Variants in DHX8 observed in about 807,000 individuals in gnomAD.
DHX8 encodes the protein DEAH-box helicase 8.
DHX8 carries 67 observed loss-of-function variants against 140.7 expected under a neutral mutation model. The observed-to-expected ratio is 0.48, with a 90% CI of 0.39 to 0.58. The LOEUF (loss-of-function observed/expected upper bound fraction) is 0.58, where lower values mean the gene tolerates loss of function less well. DHX8 is among the 20% of genes least tolerant of loss of function. The probability of loss-of-function intolerance (pLI) is 0.00; values close to 1 mark genes in which losing one functional copy is unlikely to be tolerated. For synonymous variants in DHX8, 533 were observed against 553.2 expected, an observed-to-expected ratio of 0.96 and a Z score of 0.51; for missense variants, 887 against 1,550.7, an observed-to-expected ratio of 0.57 and a Z score of 7.19.
rs1567709336 is a variant in DHX8, at chr17:43,532,827, A to G, written c.351-3585A>G. On this transcript the variant is annotated intron_variant, in intron 2 of 3. Transcript: ENST00000589898. Reference sequence around the variant, plus strand: ...TCTTGCTTAAAGCTCTGCTGGGGATAGGGTGGGCAGGGCTCCGACAGCTGG... The same window carrying G: ...TCTTGCTTAAAGCTCTGCTGGGGATGGGGTGGGCAGGGCTCCGACAGCTGG... 3 of 1,613,850 alleles carry G rather than the reference A, an allele frequency of 1.9e-6. No homozygotes were observed. In the Admixed American group the frequency reaches 5.0e-5, roughly 27 times the overall value.
At chr17:43,498,830 A>G (rs765135002) in intron 9 of DHX8, 32 bp from the exon 10 acceptor site, 1 of 1,526,256 alleles carries the variant, frequency 6.6e-7, no homozygotes, top group Admixed American at 2.0e-5. Context: ...TTTCTTGTTT[A>G]TGGCTAATTC....
downstream of DHX8, chr17:43,530,358 A>AGT: frequency 1.4e-6 from 2 of 1,461,634 alleles, no homozygotes; most frequent in Non-Finnish European, 1.8e-6. Context: ...ACCCAGAGGG[A>AGT]GTGTGATGCT....
Position 43,507,917 on chromosome 17 carries a change from C to T in DHX8, c.2218C>T (p.Arg740Ter). Residue 740 changes from arginine to a stop codon, truncating the protein, a stop_gained, in exon 15 of 23, where the codon CGA (arginine) becomes TGA (stop). Coordinates refer to ENST00000262415, the MANE Select transcript of DHX8 (RefSeq NM_004941.3). LOFTEE classifies it high-confidence loss of function. ...AGCTCCCATTTTCACCATCCCAGGTCGAACATATCCAGTGGAAATACTGTA... is the reference window on the plus strand; with the variant it reads ...AGCTCCCATTTTCACCATCCCAGGTTGAACATATCCAGTGGAAATACTGTA... ...YEAPIFTIPG[R>*]TYPVEILYTK... The T allele has an allele frequency of 1.2e-6, 2 of 1,614,076 alleles. No homozygotes were observed. Among genetic ancestry groups the T allele is most frequent in the Non-Finnish European group, 8.5e-7 (1 of 1,180,004 alleles).
Position 43,493,177 on chromosome 17 carries a change from A to G in DHX8, c.863+137A>G. The G allele has an allele frequency of 2.3e-6, 3 of 1,277,798 alleles. No homozygotes were observed. In the South Asian group the frequency reaches 4.4e-5, roughly 19 times the overall value. 79.2% of individuals were successfully genotyped at this position (1,277,798 alleles called of 1,614,324 possible). On this transcript the variant is annotated intron_variant, in intron 6 of 22. Transcript: ENST00000262415. ...AGCCATACATGGTTCTTAGAAATTG[A>G]CTCTTTTGAAATGTTACAGAGCCAT...
intron 16 of DHX8, among the ~76,000 whole-genome samples, chr17:43,512,335 C>G (rs567112804): frequency 1.4e-5 from 2 of 146,548 alleles, no homozygotes; most frequent in African/African-American, 5.1e-5. Flanking sequence ...TGCAGTAAGC[C>G]GAGATTGCAC....
At position 43,492,166 on chromosome 17, in the gene DHX8, G is replaced by A. The variant is rs145655092; in HGVS notation, c.394-17G>A. 2.8e-5 allele frequency: 45 copies of A among 1,603,044 alleles called. No homozygotes were observed. Among genetic ancestry groups the A allele is most frequent in the Admixed American group, 3.3e-5 (2 of 59,894 alleles). On this transcript the variant is annotated splice_polypyrimidine_tract_variant and intron_variant, in intron 4 of 22. Transcript: ENST00000262415. ...AGTAGTTTTTTTTCCTAACTTTGCCGGCCTCTACCTCTGCAGACCATGTTG... is the reference window on the plus strand; with the variant it reads ...AGTAGTTTTTTTTCCTAACTTTGCCAGCCTCTACCTCTGCAGACCATGTTG...
rs1005084476 is a variant in DHX8, at chr17:43,524,476, G to A, written c.*629G>A. 2.1e-5 allele frequency: 21 copies of A among 987,466 alleles called. No homozygotes were observed. The highest frequency in any genetic ancestry group is 1.6e-4 in the African/African-American group (9 of 57,204). The allele number at this position is 987,466 out of a possible 1,614,324, so 61.2% of individuals were successfully genotyped here. On this transcript the variant is annotated 3_prime_UTR_variant, in exon 23 of 23. Coordinates refer to ENST00000262415, the MANE Select transcript of DHX8 (RefSeq NM_004941.3). ...GCAGGGCCTCTTTGCGCTCGGAAAC[G>A]ACGTACAACCCAGACTTCCAGCCTT...
downstream of DHX8, chr17:43,529,617 C>T (rs772449304): frequency 6.8e-6 from 11 of 1,613,994 alleles, no homozygotes; most frequent in East Asian, 2.0e-4. Context: ...TGCAGGGCAC[C>T]CCGGCGCTGG....
At chr17:43,537,186 C>T (rs763342448) in intron 3 of DHX8, among the ~76,000 whole-genome samples, 10 of 149,442 alleles carry the variant, frequency 6.7e-5, no homozygotes, top group Non-Finnish European at 1.5e-4. Flanking sequence ...GCCAACATGA[C>T]GAAACCCCAT....
chr17:43,504,971 T>C (rs1969406306), intron 12 of DHX8, 146 bp downstream of exon 12: 1 of 808,574 alleles, frequency 1.2e-6, no homozygotes, highest in Non-Finnish European at 1.9e-6. Flanking sequence ...GATAAAACTT[T>C]CTAAATACTT....
At chr17:43,526,172 T>C, downstream of DHX8, 1 of 985,404 alleles carries the variant, frequency 1.0e-6, no homozygotes, top group Non-Finnish European at 1.2e-6. Context: ...GGAGCTTGCC[T>C]GCTGCTCTCA....
At chr17:43,515,155 T>G (rs1022748284) in intron 17 of DHX8, among the ~76,000 whole-genome samples, 7 of 152,220 alleles carry the variant, frequency 4.6e-5, no homozygotes, top group African/African-American at 1.7e-4. Context: ...ATTTTTATTT[T>G]GAAACTTAAG....
intron 19 of DHX8, 62 bp from the exon 20 acceptor site, chr17:43,520,689 T>C (rs934250535): frequency 7.8e-5 from 125 of 1,608,874 alleles, no homozygotes; most frequent in Non-Finnish European, 8.6e-5. Context: ...AAGGTCTTGC[T>C]CTGGTGAATC....
chr17:43,493,810 C>T lies in DHX8; in HGVS notation c.1136C>T (p.Pro379Leu). The T allele has an allele frequency of 6.2e-7, 1 of 1,614,178 alleles. No individual in the cohort carries two copies. The highest frequency in any genetic ancestry group is 1.7e-5 in the Admixed American group (1 of 60,006). ...RPTHLSLVSA[P>L]EVEDDSLERK... ...ACTCACTTGTCCCTTGTCAGTGCTC[C>T]TGAAGTAGAGGACGACTCACTGGAA... Residue 379 changes from proline to leucine, a missense_variant, in exon 8 of 23, where the codon CCT becomes CTT. Physicochemically the swap from Pro to Leu is moderately conservative, Grantham distance 98. Coordinates refer to ENST00000262415, the MANE Select transcript of DHX8 (RefSeq NM_004941.3).
Position 43,492,224 on chromosome 17 carries a change from C to T in DHX8, c.435C>T (p.Val145=), listed in dbSNP as rs750586399. Residue 145 remains valine, a synonymous_variant, in exon 5 of 23, where the codon GTC becomes GTT. Transcript: ENST00000262415. The part of the protein sequence containing the change: ...DEDDVKVAVD[V]LKELEALMPS... ...ATGATGTGAAAGTTGCTGTGGATGT[C>T]CTGAAAGAACTGGAAGCTTTAATGC... is the stretch of plus-strand genomic sequence containing the variant. The T allele has an allele frequency of 1.2e-6, 2 of 1,613,924 alleles. No homozygotes were observed. The highest frequency in any genetic ancestry group is 2.2e-5 in the South Asian group (2 of 91,070).
At chr17:43,526,812 C>A (rs1347127097), downstream of DHX8, 2 of 804,066 alleles carry the variant, frequency 2.5e-6, no homozygotes, top group Non-Finnish European at 3.5e-6. Flanking sequence ...AATTTTGTTT[C>A]TTGCACTAAA....
At position 43,520,122 on chromosome 17, in the gene DHX8, T is replaced by C. The variant is rs1970304446; in HGVS notation, c.2800-8T>C. 1 of 1,614,086 alleles carries C rather than the reference T, an allele frequency of 6.2e-7. No individual in the cohort carries two copies. The highest frequency in any genetic ancestry group is 2.2e-5 in the East Asian group (1 of 44,888). The stretch of plus-strand genomic sequence containing the variant: ...TCTTATCACATGCCTTCTTCCTTTC[T>C]GTTCTAGGCCATGGGTATCAATGAT... On this transcript the variant is annotated splice_polypyrimidine_tract_variant and splice_region_variant and intron_variant, in intron 18 of 22. Coordinates refer to ENST00000262415, the MANE Select transcript of DHX8 (RefSeq NM_004941.3).
At chr17:43,506,543 CG>C (rs1598152533) in intron 12 of DHX8, among the ~76,000 whole-genome samples, 1 of 150,428 alleles carries the variant, frequency 6.6e-6, no homozygotes, top group East Asian at 2.0e-4. Flanking sequence ...CACTTGAATC[CG>C]GAAGGTGGAG....
chr17:43,505,684 G>A (rs1969455594), intron 12 of DHX8, among the ~76,000 whole-genome samples: 1 of 151,866 alleles, frequency 6.6e-6, no homozygotes, highest in Admixed American at 6.6e-5. Flanking sequence ...GTGTTGCATG[G>A]ACCAACAGCT....
Sources: gnomAD v4.1 joint callset for allele counts (sites outside exome capture counted in the v4.1 genomes callset) on GRCh38, gnomAD v4.1.1 for gene constraint, MANE v1.5 for transcripts, NCBI Gene and HGNC (gene_info 2026-07-23, HGNC 2026-07-21) for gene names.